The following LUZP2 variants were observed in gnomAD, a reference collection of about 807,000 sequenced individuals.
LUZP2 encodes leucine zipper protein 2.
In LUZP2, 52 loss-of-function variants were observed where a neutral mutation model predicts 51.6. The ratio of observed to expected loss-of-function variants is 1.01; its 90% confidence interval spans 0.81 to 1.27. LUZP2 has a LOEUF of 1.27. Ranked by LOEUF, LUZP2 falls within the 50% of genes most tolerant of loss-of-function variation. The pLI is 0.00. For missense variants in LUZP2, 436 were observed against 395.4 expected (o/e 1.10, Z -0.87); for synonymous variants, 154 against 137.3 (o/e 1.12, Z -0.85).
At chr11:24,786,244 C>G (rs1849242056) in intron 5 of LUZP2, 1 of 959,358 alleles carries the variant, frequency 1.0e-6, no homozygotes, top group African/African-American at 1.8e-5. Flanking sequence ...ATCGTAATTG[C>G]ATGCATGCAT....
chr11:24,680,220 T>G (rs1856688052), intron 1 of LUZP2, among the ~76,000 whole-genome samples: 2 of 152,242 alleles, frequency 1.3e-5, no homozygotes, highest in South Asian at 4.1e-4. Flanking sequence ...GTTGCTAATG[T>G]CCTTCTGGCA....
At chr11:24,592,222 T>G (rs1335110842) in intron 1 of LUZP2, among the ~76,000 whole-genome samples, 2 of 152,212 alleles carry the variant, frequency 1.3e-5, no homozygotes, top group Non-Finnish European at 2.9e-5. Context: ...ACAACAGGCA[T>G]TCCTAATATG....
At chr11:24,529,464 A>T (rs375776393) in intron 1 of LUZP2, among the ~76,000 whole-genome samples, 3 of 151,162 alleles carry the variant, frequency 2.0e-5, no homozygotes, top group East Asian at 3.9e-4. Flanking sequence ...ATCTGTAAGT[A>T]GGGATTTCTG....
chr11:24,754,792 G>T (rs984639636), intron 4 of LUZP2, among the ~76,000 whole-genome samples: 1 of 152,164 alleles, frequency 6.6e-6, no homozygotes, highest in Non-Finnish European at 1.5e-5. Context: ...CAATTACTCA[G>T]TAGTGAGCTG....
intron 5 of LUZP2, among the ~76,000 whole-genome samples, chr11:24,798,133 CTTAT>C (rs1190472010): frequency 2.6e-5 from 4 of 151,750 alleles, no homozygotes; most frequent in South Asian, 4.1e-4. Flanking sequence ...TGTTTGCTTG[CTTAT>C]TTATTTATTT....
chr11:24,759,665 G>A (rs1447429194), intron 4 of LUZP2, among the ~76,000 whole-genome samples: 2 of 152,110 alleles, frequency 1.3e-5, no homozygotes, highest in Non-Finnish European at 2.9e-5. Flanking sequence ...TAAGTAGTTC[G>A]TGACATAACT....
intron 4 of LUZP2, among the ~76,000 whole-genome samples, chr11:24,740,762 A>G (rs1859106473): frequency 6.6e-6 from 1 of 152,076 alleles, no homozygotes; most frequent in Non-Finnish European, 1.5e-5. Flanking sequence ...TCCCATTTTA[A>G]TTTCATCTTC....
chr11:24,598,997 G>A (rs1853536018), intron 1 of LUZP2, among the ~76,000 whole-genome samples: 1 of 152,092 alleles, frequency 6.6e-6, no homozygotes, highest in Non-Finnish European at 1.5e-5. Flanking sequence ...TTCAGTACAT[G>A]TGGGAACCTT....
chr11:25,039,734 C>T (rs535639862), intron 9 of LUZP2, among the ~76,000 whole-genome samples: 1 of 152,296 alleles, frequency 6.6e-6, no homozygotes, highest in South Asian at 2.1e-4. Context: ...CTCGTATCTT[C>T]CTCAAGCACC....
At chr11:24,946,670 A>T (rs2133856609) in intron 7 of LUZP2, among the ~76,000 whole-genome samples, 1 of 151,882 alleles carries the variant, frequency 6.6e-6, no homozygotes, top group South Asian at 2.1e-4. Context: ...ATGACCACGT[A>T]TGTTACCTTT....
chr11:24,920,398 A>G (rs1204741127), intron 7 of LUZP2, among the ~76,000 whole-genome samples: 1 of 151,984 alleles, frequency 6.6e-6, no homozygotes, highest in African/African-American at 2.4e-5. Context: ...ACTGTGAATC[A>G]AAAATATTTG....
rs1859450004 is a variant in LUZP2, at chr11:25,081,156, C to T, written c.*2498C>T. On this transcript the variant is annotated 3_prime_UTR_variant, in exon 12 of 12. Transcript: ENST00000336930. ...CAAGTGATTCTCCCTGCCTCCGCCTCCCAAGTAGCTGGGATTACAGGTACC... is the reference window on the plus strand; with the variant it reads ...CAAGTGATTCTCCCTGCCTCCGCCTTCCAAGTAGCTGGGATTACAGGTACC... 6.6e-6 allele frequency: 1 copy of T among 151,316 alleles called. No homozygotes were observed. Among genetic ancestry groups the T allele is most frequent in the African/African-American group, 2.4e-5 (1 of 41,156 alleles). The allele number at this position is 151,316 out of a possible 1,614,324, so 9.4% of individuals were successfully genotyped here. A position where few individuals can be genotyped will look rare whatever the true frequency, so the allele number is the denominator to read the frequency against.
At chr11:24,645,838 T>G (rs903184284) in intron 1 of LUZP2, among the ~76,000 whole-genome samples, 6 of 121,816 alleles carry the variant, frequency 4.9e-5, no homozygotes, top group African/African-American at 1.4e-4. Flanking sequence ...ACATATATAT[T>G]AAGTGTGTGT....
At chr11:24,929,277 C>G (rs1279408232) in intron 7 of LUZP2, among the ~76,000 whole-genome samples, 1 of 151,760 alleles carries the variant, frequency 6.6e-6, no homozygotes, top group Non-Finnish European at 1.5e-5. Flanking sequence ...TTGATTTGTT[C>G]TTGTTTCTCT....
chr11:24,989,054 G>A (rs1446192), intron 9 of LUZP2, among the ~76,000 whole-genome samples: 11,021 of 151,310 alleles, frequency 0.073, 1,325 homozygotes, highest in African/African-American at 0.25. Flanking sequence ...GAGCAGTGAG[G>A]GAAGAAAGAG....
intron 1 of LUZP2, among the ~76,000 whole-genome samples, chr11:24,688,942 C>T (rs1410229924): frequency 6.6e-6 from 1 of 152,116 alleles, no homozygotes; most frequent in Non-Finnish European, 1.5e-5. Context: ...CCTGTATTGT[C>T]TCACTGTAGT....
At chr11:24,539,398 A>G (rs1340089022) in intron 1 of LUZP2, among the ~76,000 whole-genome samples, 1 of 151,970 alleles carries the variant, frequency 6.6e-6, no homozygotes, top group Non-Finnish European at 1.5e-5. Flanking sequence ...TTTAGTTTTG[A>G]TAATAAATTA....
At chr11:24,872,207 T>G (rs1326579800) in intron 5 of LUZP2, among the ~76,000 whole-genome samples, 1 of 152,146 alleles carries the variant, frequency 6.6e-6, no homozygotes, top group African/African-American at 2.4e-5. Flanking sequence ...GGTGAATTTT[T>G]CTCAGTCTTT....
At chr11:24,773,542 CAG>C (rs559503387) in intron 5 of LUZP2, among the ~76,000 whole-genome samples, 2 of 152,212 alleles carry the variant, frequency 1.3e-5, no homozygotes, top group East Asian at 3.9e-4. Flanking sequence ...AAGGATGAGA[CAG>C]AGTGGGCTGT....
Sources: gnomAD v4.1 joint callset for allele counts (sites outside exome capture counted in the v4.1 genomes callset) on GRCh38, gnomAD v4.1.1 for gene constraint, MANE v1.5 for transcripts, NCBI Gene and HGNC (gene_info 2026-07-23, HGNC 2026-07-21) for gene names.